Variants in MAP3K20 observed in about 807,000 individuals in gnomAD.
The protein encoded by MAP3K20 is mitogen-activated protein kinase kinase kinase 20, also known as HCCS-4.
MAP3K20 carries 40 observed loss-of-function variants against 85.7 expected under a neutral mutation model. The observed-to-expected ratio is 0.47, with a 90% CI of 0.36 to 0.61. The LOEUF is 0.61. MAP3K20 is among the 20% of genes least tolerant of loss of function. The probability of loss-of-function intolerance (pLI) is 0.00; values close to 1 mark genes in which losing one functional copy is unlikely to be tolerated. For synonymous variants in MAP3K20, 325 were observed against 327.7 expected, an observed-to-expected ratio of 0.99 and a Z score of 0.09; for missense variants, 817 against 961.7, an observed-to-expected ratio of 0.85 and a Z score of 1.99.
intron 9 of MAP3K20, among the ~76,000 whole-genome samples, chr2:173,209,268 TCCC>T (rs900543510): frequency 3.7e-4 from 56 of 152,068 alleles, no homozygotes; most frequent in Non-Finnish European, 1.2e-4. Flanking sequence ...TAGGTAGATT[TCCC>T]CCCAACGCTT....
intron 2 of MAP3K20, among the ~76,000 whole-genome samples, chr2:173,146,496 A>C (rs1288157923): frequency 6.6e-6 from 1 of 152,194 alleles, no homozygotes; most frequent in Non-Finnish European, 1.5e-5. Context: ...TCATCACCAC[A>C]ATCACTTTTA....
chr2:173,101,663 A>G (rs1345672850), intron 2 of MAP3K20, among the ~76,000 whole-genome samples: 2 of 152,216 alleles, frequency 1.3e-5, no homozygotes, highest in Non-Finnish European at 2.9e-5. Flanking sequence ...GAGAAATTGA[A>G]AAATTGGAGG....
intron 11 of MAP3K20, 32 bp downstream of exon 11, chr2:173,217,282 C>A: frequency 6.6e-7 from 1 of 1,516,396 alleles, no homozygotes; most frequent in Non-Finnish European, 8.9e-7. Context: ...CGTCTTTCCA[C>A]ATGCGGCTCT....
At chr2:173,252,307 C>G (rs1396389291) in intron 16 of MAP3K20, among the ~76,000 whole-genome samples, 3 of 152,182 alleles carry the variant, frequency 2.0e-5, no homozygotes, top group African/African-American at 7.2e-5. Flanking sequence ...AGGATTTTAT[C>G]TTCACAGTGT....
At chr2:173,120,986 C>T (rs1434461904) in intron 2 of MAP3K20, among the ~76,000 whole-genome samples, 10 of 151,826 alleles carry the variant, frequency 6.6e-5, no homozygotes, top group East Asian at 2.0e-4. Context: ...GGATTACAGG[C>T]GTGAGCCACT....
intron 14 of MAP3K20, among the ~76,000 whole-genome samples, chr2:173,232,812 C>G (rs1171933911): frequency 1.3e-5 from 2 of 152,160 alleles, no homozygotes; most frequent in Non-Finnish European, 2.9e-5. Context: ...CCTCCATCAA[C>G]AAATCTTTAT....
At chr2:173,146,274 T>G (rs939077668) in intron 2 of MAP3K20, among the ~76,000 whole-genome samples, 6 of 152,102 alleles carry the variant, frequency 3.9e-5, no homozygotes, top group African/African-American at 1.2e-4. Flanking sequence ...TCAAGTCTGT[T>G]GCCTTTTAGA....
chr2:173,099,307 G>T, intron 2 of MAP3K20, among the ~76,000 whole-genome samples: 1 of 139,238 alleles, frequency 7.2e-6, no homozygotes, highest in Admixed American at 7.2e-5. Context: ...GTTTTTGTTT[G>T]TTTGTTTTGT....
intron 2 of MAP3K20, among the ~76,000 whole-genome samples, chr2:173,112,580 T>A (rs953159808): frequency 6.6e-6 from 1 of 151,482 alleles, no homozygotes; most frequent in African/African-American, 2.4e-5. Context: ...TACATACAAG[T>A]ATGTCCCTTA....
intron 16 of MAP3K20, among the ~76,000 whole-genome samples, chr2:173,254,165 C>T (rs1206136001): frequency 6.6e-6 from 1 of 151,782 alleles, no homozygotes; most frequent in African/African-American, 2.4e-5. Context: ...CCTGTAATCC[C>T]AGCACTTTGG....
At chr2:173,188,556 T>G (rs892967931) in intron 5 of MAP3K20, among the ~76,000 whole-genome samples, 2 of 151,822 alleles carry the variant, frequency 1.3e-5, no homozygotes, top group African/African-American at 2.4e-5. Context: ...AATGAATCGA[T>G]CAGGTACCCT....
chr2:173,228,601 G>C (rs1276909469), intron 11 of MAP3K20, among the ~76,000 whole-genome samples: 2 of 151,956 alleles, frequency 1.3e-5, no homozygotes, highest in Non-Finnish European at 2.9e-5. Flanking sequence ...ACTATGTTAG[G>C]CATTAAGTAA....
intron 2 of MAP3K20, among the ~76,000 whole-genome samples, chr2:173,105,607 A>G (rs1442259635): frequency 1.3e-5 from 2 of 152,230 alleles, no homozygotes; most frequent in African/African-American, 4.8e-5. Flanking sequence ...GATCCATGCT[A>G]CAATATTGAT....
chr2:173,175,877 G>A (rs1466569548), intron 3 of MAP3K20, among the ~76,000 whole-genome samples: 1 of 152,062 alleles, frequency 6.6e-6, no homozygotes, highest in Non-Finnish European at 1.5e-5. Flanking sequence ...TTGCTGTCTT[G>A]TCTTGGTGAT....
At chr2:173,097,817 G>A (rs563538660) in intron 2 of MAP3K20, among the ~76,000 whole-genome samples, 1 of 152,182 alleles carries the variant, frequency 6.6e-6, no homozygotes, top group South Asian at 2.1e-4. Context: ...TGTGAAATAG[G>A]AAATATAATC....
At chr2:173,230,794 G>A (rs1047559510) in intron 12 of MAP3K20, among the ~76,000 whole-genome samples, 1 of 152,078 alleles carries the variant, frequency 6.6e-6, no homozygotes, top group African/African-American at 2.4e-5. Flanking sequence ...TCAGGAGTTC[G>A]AGACCAGCCT....
At chr2:173,131,980 C>G (rs1574042150) in intron 2 of MAP3K20, among the ~76,000 whole-genome samples, 2 of 152,138 alleles carry the variant, frequency 1.3e-5, no homozygotes, top group East Asian at 3.8e-4. Flanking sequence ...ATTCTCATCT[C>G]TTATCAAAAA....
intron 11 of MAP3K20, chr2:173,224,121 G>C: frequency 4.7e-6 from 4 of 856,406 alleles, no homozygotes; most frequent in Non-Finnish European, 5.6e-6. Context: ...GTTCACATTT[G>C]ATAAGTATAT....
chr2:173,209,221 A>G (rs1196147325), intron 9 of MAP3K20, among the ~76,000 whole-genome samples: 2 of 152,146 alleles, frequency 1.3e-5, no homozygotes, highest in South Asian at 2.1e-4. Context: ...TTTCTGACAA[A>G]CCAATTTGGA....
Sources: allele counts gnomAD v4.1 joint callset (sites outside exome capture counted in the v4.1 genomes callset), GRCh38; gene constraint gnomAD v4.1.1; transcripts MANE v1.5; gene names NCBI Gene and HGNC (gene_info 2026-07-23, HGNC 2026-07-21).